Variants in TUBA1C observed in about 807,000 individuals in gnomAD.
The protein encoded by TUBA1C is tubulin alpha 1c, also known as tubulin alpha-1C chain.
A neutral mutation model predicts 34.9 loss-of-function variants in TUBA1C; 16 were observed. That is an observed-to-expected ratio of 0.46 (90% CI 0.31 to 0.70). The LOEUF is 0.70. Ranked by LOEUF, TUBA1C falls within the 30% of genes least tolerant of loss-of-function variation. The pLI is 0.05. For synonymous variants in TUBA1C, 177 were observed against 215.9 expected, an observed-to-expected ratio of 0.82 and a Z score of 1.58; for missense variants, 329 against 587.3, an observed-to-expected ratio of 0.56 and a Z score of 4.55.
At chr12:49,235,072 T>C (rs1307704172) in intron 1 of TUBA1C, among the ~76,000 whole-genome samples, 7 of 144,280 alleles carry the variant, frequency 4.9e-5, no homozygotes. Flanking sequence ...CGCCTCGGCC[T>C]CCCAAAGTGC....
chr12:49,271,188 C>T (rs999126232), intron 3 of TUBA1C, among the ~76,000 whole-genome samples: 6 of 152,172 alleles, frequency 3.9e-5, no homozygotes, highest in African/African-American at 1.4e-4. Context: ...CGAGAGTCTG[C>T]CCTGTGCATT....
rs182588300 is a variant in TUBA1C at position 49,235,030 on chromosome 12, C to T, written c.213+6864C>T. 1.6e-3 allele frequency among the ~76,000 whole-genome samples: 245 copies of T among 151,106 alleles called. 1 individual carries two copies. The highest frequency in any genetic ancestry group is 5.8e-3 in the African/African-American group (237 of 41,074). ...ACGGGGTTTCACCATGTTGGTCAGG[C>T]TGGTCTCGAATTCCTGTCCTCGTGA... On this transcript the variant is annotated intron_variant, in intron 1 of 3. Coordinates refer to the TUBA1C transcript ENST00000541364.
rs1420740965 is a variant in TUBA1C at position 49,272,667 on chromosome 12, C to T, written c.790C>T (p.Arg264Cys). 3.7e-6 allele frequency: 6 copies of T among 1,610,716 alleles called. No homozygotes were observed. Among genetic ancestry groups the T allele is most frequent in the Admixed American group, 1.7e-5 (1 of 59,766 alleles). ...EFQTNLVPYPRIHFPLATYAP... is the reference protein window; with the variant it reads ...EFQTNLVPYPCIHFPLATYAP... ...CCAGACCAACCTGGTGCCCTACCCC[C>T]GCATCCACTTCCCTCTGGCCACATA... Residue 264 changes from arginine (R) to cysteine (C), a missense_variant, in exon 4 of 4, where the codon CGC (arginine) becomes TGC (cysteine). Transcript: ENST00000301072.
intron 1 of TUBA1C, among the ~76,000 whole-genome samples, chr12:49,254,973 C>CG (rs1565644546): frequency 7.9e-5 from 12 of 151,918 alleles, no homozygotes. Flanking sequence ...TAAGTAGAAA[C>CG]GGGGTCCCTC....
intron 1 of TUBA1C, among the ~76,000 whole-genome samples, chr12:49,241,507 T>C (rs1942614438): frequency 6.6e-6 from 1 of 152,184 alleles, no homozygotes; most frequent in Non-Finnish European, 1.5e-5. Context: ...GGGGTGATTA[T>C]GATGTGAGTG....
chr12:49,265,464 G>A (rs1942894702), intron 1 of TUBA1C, among the ~76,000 whole-genome samples: 1 of 152,220 alleles, frequency 6.6e-6, no homozygotes, highest in South Asian at 2.1e-4. Context: ...TACTGCCCTA[G>A]GGAGGAAGGT....
chr12:49,261,804 T>C (rs377456290), upstream of TUBA1C, among the ~76,000 whole-genome samples: 1 of 152,244 alleles, frequency 6.6e-6, no homozygotes, highest in South Asian at 2.1e-4. Context: ...TTTGTGAACA[T>C]GCTATATGGT....
rs1479722057 is a variant in TUBA1C, at chr12:49,273,370, T to C, written c.*143T>C. On this transcript the variant is annotated 3_prime_UTR_variant, in exon 4 of 4. Coordinates refer to ENST00000301072, the MANE Select transcript of TUBA1C (RefSeq NM_032704.5). Reference sequence around the variant, plus strand: ...ACTTAAATACTTGATCCAGTTAAAGTTGGATGTATGAGGCTGGTAGATGAA... The same window carrying C: ...ACTTAAATACTTGATCCAGTTAAAGCTGGATGTATGAGGCTGGTAGATGAA... 7 of 1,494,104 alleles carry C rather than the reference T, an allele frequency of 4.7e-6. No homozygotes were observed. The highest frequency in any genetic ancestry group is 1.2e-5 in the South Asian group (1 of 83,428). 92.6% of individuals were successfully genotyped at this position (1,494,104 alleles called of 1,614,324 possible).
chr12:49,240,680 C>T (rs1431244242), intron 1 of TUBA1C, among the ~76,000 whole-genome samples: 10 of 152,142 alleles, frequency 6.6e-5, no homozygotes, highest in African/African-American at 2.4e-4. Context: ...TTCGACCTCC[C>T]GGGCTCAAGT....
rs576051973 is a variant in TUBA1C, at chr12:49,242,183, G to A, written c.213+14017G>A. Among the ~76,000 whole-genome samples, 7 of 151,584 alleles carry A rather than the reference G, an allele frequency of 4.6e-5. No individual in the cohort carries two copies. The South Asian group carries it at 8.3e-4, about 18-fold the overall frequency. On this transcript the variant is annotated intron_variant, in intron 1 of 3. Transcript: ENST00000541364. ...TTTTTGTATTTTTGGTAGAGATGGG[G>A]TTTCACCATGTTGGCCAGGCTGGTT...
chr12:49,234,597 G>A (rs976202342), intron 1 of TUBA1C, among the ~76,000 whole-genome samples: 1 of 152,324 alleles, frequency 6.6e-6, no homozygotes, highest in Admixed American at 6.5e-5. Context: ...TCTGTCCCCG[G>A]TGACCAGCAG....
In TUBA1C at chr12:49,269,953, G is replaced by T. The variant is rs764040639; in HGVS notation, c.352G>T (p.Val118Leu). 4 of 1,614,228 alleles carry T rather than the reference G, an allele frequency of 2.5e-6. No individual in the cohort carries two copies. The highest frequency in any genetic ancestry group is 3.4e-6 in the Non-Finnish European group (4 of 1,180,050). ...CATTGGCAAGGAGATCATTGACCTC[G>T]TGTTGGACCGAATTCGCAAGCTGGT... ...YTIGKEIIDLVLDRIRKLADQ... is the reference protein window; with the variant it reads ...YTIGKEIIDLLLDRIRKLADQ... Residue 118 changes from valine to leucine, a missense_variant, in exon 3 of 4, where the codon GTG becomes TTG. Val to Leu is a conservative substitution (Grantham distance 32). Around this residue, in one of 4 missense-constraint regions of TUBA1C, gnomAD observed 152 missense variants for 240.3 expected, o/e 0.63. Coordinates refer to ENST00000301072, the MANE Select transcript of TUBA1C (RefSeq NM_032704.5).
intron 1 of TUBA1C, among the ~76,000 whole-genome samples, chr12:49,248,867 C>CAAA (rs201685193): frequency 7.2e-4 from 44 of 60,712 alleles, no homozygotes; most frequent in Admixed American, 1.2e-3. Context: ...GACTCCCTCT[C>CAAA]AAAAAAAAAA....
chr12:49,259,136 G>C (rs1397488245), intron 1 of TUBA1C, among the ~76,000 whole-genome samples: 2 of 152,062 alleles, frequency 1.3e-5, no homozygotes, highest in African/African-American at 2.4e-5. Context: ...TTCCAGTCCT[G>C]CAAGTTCCAT....
chr12:49,231,697 TAGACAGACAGAC>T (rs541221185), intron 1 of TUBA1C, among the ~76,000 whole-genome samples: 3 of 150,408 alleles, frequency 2.0e-5, no homozygotes, highest in Admixed American at 6.6e-5. Flanking sequence ...GATAGATAGA[TAGACAGACAGAC>T]AGACAGACAG....
At chr12:49,263,048 G>T (rs1380895020), upstream of TUBA1C, among the ~76,000 whole-genome samples, 11 of 121,886 alleles carry the variant, frequency 9.0e-5, no homozygotes, top group Admixed American at 7.3e-4. Context: ...TTTTTTCTGA[G>T]ACAGAGTCTC....
In TUBA1C at chr12:49,272,429, C is replaced by T; in HGVS notation, c.552C>T (p.Pro184=). The T allele has an allele frequency of 6.2e-7, 1 of 1,613,650 alleles. No individual in the cohort carries two copies. Among genetic ancestry groups the T allele is most frequent in the Non-Finnish European group, 8.5e-7 (1 of 1,179,988 alleles). The change falls in exon 4 of 4, where the codon CCC becomes CCT. Residue 184 remains proline, a synonymous_variant. Coordinates refer to ENST00000301072, the MANE Select transcript of TUBA1C (RefSeq NM_032704.5). ...AGGTTTCCACAGCTGTAGTTGAGCC[C>T]TACAACTCCATCCTCACCACCCACA... ...APQVSTAVVE[P]YNSILTTHTT... is the part of the protein sequence containing the mutation.
chr12:49,253,009 G>A (rs1156756763), intron 1 of TUBA1C, among the ~76,000 whole-genome samples: 1 of 151,560 alleles, frequency 6.6e-6, no homozygotes, highest in African/African-American at 2.4e-5. Flanking sequence ...CCTTGAACCC[G>A]GGAGGTGGAG....
chr12:49,241,086 G>A (rs1258527223), intron 1 of TUBA1C, among the ~76,000 whole-genome samples: 19 of 152,128 alleles, frequency 1.2e-4, no homozygotes, highest in Non-Finnish European at 1.5e-4. Flanking sequence ...ATTTTTAGTC[G>A]AGACAGGGTT....
Sources: allele counts gnomAD v4.1 joint callset (sites outside exome capture counted in the v4.1 genomes callset), GRCh38; gene constraint gnomAD v4.1.1; regional missense constraint gnomAD v4.1.1; transcripts MANE v1.5; gene names NCBI Gene and HGNC (gene_info 2026-07-23, HGNC 2026-07-21).